The following SLC19A1 variants were observed in gnomAD, a reference collection of about 807,000 sequenced individuals.
The protein encoded by SLC19A1 is solute carrier family 19 member 1, also known as reduced folate transporter.
Under a neutral mutation model 35.3 loss-of-function variants are expected in SLC19A1, and 37 were observed. The ratio of observed to expected loss-of-function variants is 1.05; its 90% CI spans 0.81 to 1.38. The LOEUF is 1.38. Among genes scored for constraint, SLC19A1 ranks in the 40% most tolerant of loss-of-function variants. SLC19A1 has a pLI of 0.00. For missense variants in SLC19A1, 831 were observed against 826.9 expected, an observed-to-expected ratio of 1.00 and a Z score of -0.06; for synonymous variants, 460 against 398.5, an observed-to-expected ratio of 1.15 and a Z score of -1.84.
Position 45,532,062 on chromosome 21 carries a change from G to A in SLC19A1, c.276C>T (p.Tyr92=). The change falls in exon 3 of 6, where the codon TAC becomes TAT. Residue 92 remains tyrosine, a synonymous_variant. Transcript: ENST00000311124. ...PVFLLTDYLR[Y]TPVLLLQGLS... ...GCCCCTGCAGCAGCAGCACCGGCGT[G>A]TAGCGCAGGTAGTCGGTGAGCAGGA... is the stretch of plus-strand genomic sequence containing the variant. The A allele has an allele frequency of 1.2e-6, 2 of 1,612,556 alleles. No individual in the cohort carries two copies. The highest frequency in any genetic ancestry group is 1.7e-6 in the Non-Finnish European group (2 of 1,179,698).
chr21:45,509,304 G>C, downstream of SLC19A1: 1 of 1,535,214 alleles, frequency 6.5e-7, no homozygotes, highest in Non-Finnish European at 8.7e-7. Flanking sequence ...AGATGGAGGA[G>C]GGGCACCCGG....
chr21:45,541,365 C>G (rs2078297169), intron 1 of SLC19A1, among the ~76,000 whole-genome samples: 1 of 152,272 alleles, frequency 6.6e-6, no homozygotes. Flanking sequence ...CTGATTGAAT[C>G]TGGGCTGTGC....
intron 1 of SLC19A1, among the ~76,000 whole-genome samples, chr21:45,550,226 G>A (rs1024408057): frequency 6.6e-6 from 1 of 152,138 alleles, no homozygotes; most frequent in African/African-American, 2.4e-5. Context: ...CTGTGGTTTG[G>A]GGTGTTTCCC....
chr21:45,549,077 A>T (rs550392840), upstream of SLC19A1, among the ~76,000 whole-genome samples: 2 of 152,258 alleles, frequency 1.3e-5, no homozygotes, highest in Non-Finnish European at 2.9e-5. Flanking sequence ...ACAAAAGCCC[A>T]TGCACAGGGG....
rs550250525 is a variant in SLC19A1, at chr21:45,534,924, G to A, written c.190-2776C>T. On this transcript the variant is annotated intron_variant, in intron 2 of 5. Coordinates refer to ENST00000311124, the MANE Select transcript of SLC19A1 (RefSeq NM_194255.4). This position sits in a 1 kb window ranked among gnomAD's most constrained non-coding sequence, Gnocchi z 4.2. Reference sequence around the variant, plus strand: ...CTGCTCTCCACAGGTCTTGGTTGGGGTCCAGGCTGAATGGGCAGAGTGCAG... The same window carrying A: ...CTGCTCTCCACAGGTCTTGGTTGGGATCCAGGCTGAATGGGCAGAGTGCAG... Among the ~76,000 whole-genome samples, 8 of 152,410 alleles carry A rather than the reference G, an allele frequency of 5.2e-5. No individual in the cohort carries two copies. Among genetic ancestry groups the A allele is most frequent in the African/African-American group, 1.9e-4 (8 of 41,602 alleles).
At chr21:45,509,296 A>G (rs2037430568), downstream of SLC19A1, 3 of 1,533,212 alleles carry the variant, frequency 2.0e-6, no homozygotes, top group African/African-American at 4.1e-5. Flanking sequence ...GAGGACACAG[A>G]TGGAGGAGGG....
chr21:45,537,664 C>A, intron 2 of SLC19A1, 107 bp downstream of exon 2: 5 of 1,077,446 alleles, frequency 4.6e-6, no homozygotes, highest in Non-Finnish European at 6.3e-6. Context: ...TCCCTGCCCA[C>A]CCACTGGCGG....
chr21:45,546,498 T>C (rs2078417352), upstream of SLC19A1, among the ~76,000 whole-genome samples: 1 of 152,222 alleles, frequency 6.6e-6, no homozygotes. Flanking sequence ...CCCTCCCAGT[T>C]GAGCCCTGCC....
chr21:45,534,846 G>A lies in SLC19A1; in HGVS notation c.190-2698C>T. ...GCAGGGAGGTGGCATCTGTCAGGCG[G>A]CCACGACTCTGACACGAGGACAGCC... On this transcript the variant is annotated intron_variant, in intron 2 of 5. Transcript: ENST00000311124. The surrounding 1 kb of genome is among the most constrained non-coding windows in gnomAD (Gnocchi z 4.2). 1 of 562,806 alleles carries A rather than the reference G, an allele frequency of 1.8e-6. No homozygotes were observed. Among genetic ancestry groups the A allele is most frequent in the Non-Finnish European group, 3.2e-6 (1 of 314,330 alleles). 34.9% of individuals were successfully genotyped at this position (562,806 alleles called of 1,614,324 possible).
chr21:45,546,299 C>T (rs2078415052), upstream of SLC19A1, among the ~76,000 whole-genome samples: 1 of 152,260 alleles, frequency 6.6e-6, no homozygotes, highest in African/African-American at 2.4e-5. Flanking sequence ...CCCGGAGCTC[C>T]TGGCTTCCGC....
chr21:45,555,494 C>T (rs1403618745), intron 1 of SLC19A1, among the ~76,000 whole-genome samples: 2 of 116,512 alleles, frequency 1.7e-5, no homozygotes, highest in African/African-American at 3.4e-5. Context: ...CTTGGGTGGC[C>T]ATGCAGGCGA....
chr21:45,529,762 TGTG>T (rs1037251136), intron 4 of SLC19A1, among the ~76,000 whole-genome samples: 6 of 151,452 alleles, frequency 4.0e-5, no homozygotes, highest in East Asian at 1.9e-4. Context: ...TGTGTAAGCA[TGTG>T]GTGTGTTCAT....
intron 3 of SLC19A1, among the ~76,000 whole-genome samples, chr21:45,503,223 C>CCG (rs2036960613): frequency 6.6e-6 from 1 of 152,226 alleles, no homozygotes; most frequent in African/African-American, 2.4e-5. Flanking sequence ...TACATCCTCT[C>CCG]CGGCACCTGT....
intron 3 of SLC19A1, chr21:45,505,176 G>A: frequency 6.2e-7 from 1 of 1,606,320 alleles, no homozygotes; most frequent in Non-Finnish European, 8.5e-7. Context: ...CGGCCCACCT[G>A]GACCTCAGGG....
In SLC19A1 at chr21:45,515,581, G is replaced by T; in HGVS notation, c.*77C>A. On this transcript the variant is annotated 3_prime_UTR_variant, in exon 6 of 6. Coordinates refer to ENST00000311124, the MANE Select transcript of SLC19A1 (RefSeq NM_194255.4). ...ATAAGCGGAGGCCCCCATTGCTAAG[G>T]CAGGCGGCCCTCGAGGCAGGGGTCG... 6.3e-7 allele frequency: 1 copy of T among 1,590,048 alleles called. No individual in the cohort carries two copies. Among genetic ancestry groups the T allele is most frequent in the Non-Finnish European group, 8.5e-7 (1 of 1,173,716 alleles).
At chr21:45,505,867 G>A in intron 3 of SLC19A1, 1 of 1,609,064 alleles carries the variant, frequency 6.2e-7, no homozygotes. Flanking sequence ...GCCAGGCCAT[G>A]CTGGGCCAGG....
intron 4 of SLC19A1, among the ~76,000 whole-genome samples, chr21:45,528,225 C>A (rs1440756017): frequency 6.6e-6 from 1 of 152,040 alleles, no homozygotes; most frequent in Non-Finnish European, 1.5e-5. Flanking sequence ...CTTCTGGATG[C>A]CAGCGCTGGG....
At chr21:45,551,077 T>C (rs1022561346) in intron 1 of SLC19A1, among the ~76,000 whole-genome samples, 1 of 151,706 alleles carries the variant, frequency 6.6e-6, no homozygotes, top group Non-Finnish European at 1.5e-5. Context: ...CCTGGGTTGG[T>C]TGCACTCTCT....
chr21:45,523,867 T>C (rs1046528015), intron 5 of SLC19A1, among the ~76,000 whole-genome samples: 9 of 152,132 alleles, frequency 5.9e-5, no homozygotes, highest in Non-Finnish European at 8.8e-5. Flanking sequence ...GGGGAGGACC[T>C]CCTCCCGGGT....
Sources: gnomAD v4.1 joint callset for allele counts (sites outside exome capture counted in the v4.1 genomes callset) on GRCh38, gnomAD v4.1.1 for gene constraint, Gnocchi (gnomAD v3.1) non-coding constraint, MANE v1.5 for transcripts, NCBI Gene and HGNC (gene_info 2026-07-23, HGNC 2026-07-21) for gene names.